The following DGKB variants were observed in gnomAD, a reference collection of about 807,000 sequenced individuals.
DGKB encodes the protein diacylglycerol kinase beta, also known as 90 kDa diacylglycerol kinase.
DGKB carries 67 observed loss-of-function variants against 114.3 expected under a neutral mutation model. That is an observed-to-expected ratio of 0.59 (90% confidence interval 0.48 to 0.72). The LOEUF (loss-of-function observed/expected upper bound fraction) is 0.72, where lower values mean the gene tolerates loss of function less well. DGKB is among the 30% of genes least tolerant of loss of function. DGKB has a pLI of 0.00. For missense variants in DGKB, 907 were observed against 975.2 expected (o/e 0.93, Z 0.93); for synonymous variants, 398 against 323.1 (o/e 1.23, Z -2.49).
At chr7:14,918,479 T>A (rs1784348251) in intron 1 of DGKB, among the ~76,000 whole-genome samples, 1 of 152,140 alleles carries the variant, frequency 6.6e-6, no homozygotes, top group South Asian at 2.1e-4. Context: ...AACTGGAATT[T>A]GAATCTTAAA....
At chr7:14,522,790 CT>C (rs1789998079) in intron 20 of DGKB, among the ~76,000 whole-genome samples, 1 of 152,122 alleles carries the variant, frequency 6.6e-6, no homozygotes, top group African/African-American at 2.4e-5. Context: ...AATTTGTCAG[CT>C]TCTCACTTTG....
intron 23 of DGKB, among the ~76,000 whole-genome samples, chr7:14,305,525 A>G (rs548481933): frequency 1.3e-5 from 2 of 152,292 alleles, no homozygotes; most frequent in South Asian, 2.1e-4. Flanking sequence ...GAACTCTCTA[A>G]TGTACATGGA....
chr7:14,487,417 TA>T (rs1378105805), intron 20 of DGKB, among the ~76,000 whole-genome samples: 2 of 152,106 alleles, frequency 1.3e-5, no homozygotes, highest in Non-Finnish European at 2.9e-5. Context: ...CCAATAAGCA[TA>T]AAAGGAGCTG....
chr7:14,578,194 C>T (rs1799441257), intron 19 of DGKB, among the ~76,000 whole-genome samples: 1 of 152,134 alleles, frequency 6.6e-6, no homozygotes, highest in South Asian at 2.1e-4. Flanking sequence ...TTTGCTTCTC[C>T]TTCACCTTCA....
intron 21 of DGKB, among the ~76,000 whole-genome samples, chr7:14,464,228 G>A (rs1362061940): frequency 6.6e-6 from 1 of 152,074 alleles, no homozygotes; most frequent in Non-Finnish European, 1.5e-5. Flanking sequence ...AATAATTAAA[G>A]TAATTGAATT....
At chr7:14,957,837 T>C (rs1289530371) in intron 1 of DGKB, among the ~76,000 whole-genome samples, 1 of 152,094 alleles carries the variant, frequency 6.6e-6, no homozygotes, top group African/African-American at 2.4e-5. Flanking sequence ...AATGGATTCA[T>C]TTATAGAGTC....
At chr7:14,249,802 A>T (rs1244490704) in intron 23 of DGKB, among the ~76,000 whole-genome samples, 4 of 151,790 alleles carry the variant, frequency 2.6e-5, no homozygotes, top group Non-Finnish European at 5.9e-5. Context: ...TCACTTTTTA[A>T]AATCATTTTC....
chr7:14,279,288 G>A (rs7802627), intron 23 of DGKB, among the ~76,000 whole-genome samples: 340 of 152,300 alleles, frequency 2.2e-3, no homozygotes, highest in African/African-American at 7.6e-3. Context: ...ACTGCAAGGC[G>A]GCAGCCAGGC....
At chr7:14,166,633 G>A (rs62443533) in intron 25 of DGKB, among the ~76,000 whole-genome samples, 52,392 of 151,856 alleles carry the variant, frequency 0.35, 10,090 homozygotes, top group South Asian at 0.52. Context: ...ATAAACCCTG[G>A]GCAGAACACA....
At chr7:14,263,116 GT>G (rs1227557753) in intron 23 of DGKB, among the ~76,000 whole-genome samples, 1 of 152,044 alleles carries the variant, frequency 6.6e-6, no homozygotes, top group African/African-American at 2.4e-5. Context: ...ACTATATCTT[GT>G]TTTTCTTCCC....
intron 21 of DGKB, among the ~76,000 whole-genome samples, chr7:14,396,478 T>C (rs1046112856): frequency 1.3e-5 from 2 of 152,228 alleles, no homozygotes; most frequent in South Asian, 2.1e-4. Flanking sequence ...TGTTAGACCT[T>C]ACATACTGAG....
At chr7:14,541,634 C>T (rs1353220040) in intron 20 of DGKB, among the ~76,000 whole-genome samples, 1 of 152,138 alleles carries the variant, frequency 6.6e-6, no homozygotes, top group Admixed American at 6.6e-5. Context: ...TAATCCAAAA[C>T]CTTCCCAAAG....
At chr7:14,915,283 T>A (rs904340165) in intron 1 of DGKB, among the ~76,000 whole-genome samples, 1 of 152,092 alleles carries the variant, frequency 6.6e-6, no homozygotes, top group Admixed American at 6.6e-5. Context: ...GAGGCTGGAA[T>A]GGGAGAATCA....
At chr7:14,257,987 C>A (rs1181326158) in intron 23 of DGKB, among the ~76,000 whole-genome samples, 1 of 152,146 alleles carries the variant, frequency 6.6e-6, no homozygotes, top group East Asian at 1.9e-4. Context: ...CTCGGCCTCC[C>A]AAAGTGCTGG....
At chr7:14,691,135 T>C (rs1822790726) in intron 9 of DGKB, among the ~76,000 whole-genome samples, 1 of 152,236 alleles carries the variant, frequency 6.6e-6, no homozygotes, top group Non-Finnish European at 1.5e-5. Flanking sequence ...CTGCTGTTGC[T>C]GGAGAAAAAT....
rs1352836381 is a variant in DGKB, at chr7:14,192,397, TA to T, written c.2123-14247del. ...AAAACTAGATACCTAGGAATATATTTAACCAAGGAGGTGAAAGATCTCTACA... is the reference window on the plus strand; with the variant it reads ...AAAACTAGATACCTAGGAATATATTTACCAAGGAGGTGAAAGATCTCTACA... On this transcript the variant is annotated intron_variant, in intron 23 of 25. Coordinates refer to ENST00000402815, the MANE Select transcript of DGKB (RefSeq NM_001350709.2). Among the ~76,000 whole-genome samples the T allele has an allele frequency of 9.2e-5, 14 of 152,300 alleles. 1 individual carries two copies. In the East Asian group the frequency reaches 2.7e-3, roughly 29 times the overall value.
At chr7:14,430,427 T>C (rs1469955716) in intron 21 of DGKB, among the ~76,000 whole-genome samples, 1 of 152,186 alleles carries the variant, frequency 6.6e-6, no homozygotes, top group Admixed American at 6.6e-5. Context: ...TTCAATGACA[T>C]CTGGATCCAA....
At chr7:14,727,789 T>C (rs75612847) in intron 5 of DGKB, among the ~76,000 whole-genome samples, 6,957 of 152,176 alleles carry the variant, frequency 0.046, 527 homozygotes, top group African/African-American at 0.16. Context: ...CCTGTTAAGG[T>C]ACAGCACAGT....
intron 2 of DGKB, among the ~76,000 whole-genome samples, chr7:14,782,006 TA>T (rs145856142): frequency 1.3e-5 from 2 of 151,926 alleles, no homozygotes; most frequent in African/African-American, 2.4e-5. Flanking sequence ...AGCATTTTTT[TA>T]AAAAAAATAA....
Sources: allele counts gnomAD v4.1 joint callset (sites outside exome capture counted in the v4.1 genomes callset), GRCh38; gene constraint gnomAD v4.1.1; transcripts MANE v1.5; gene names NCBI Gene and HGNC (gene_info 2026-07-23, HGNC 2026-07-21).